Variants in PPP4R3B observed in about 807,000 individuals in gnomAD.
The protein encoded by PPP4R3B is serine/threonine-protein phosphatase 4 regulatory subunit 3B.
A neutral mutation model predicts 95.4 loss-of-function variants in PPP4R3B; 52 were observed. The ratio of observed to expected loss-of-function variants is 0.54; its 90% CI spans 0.44 to 0.69. The LOEUF is 0.69. Ranked by LOEUF, PPP4R3B falls within the 30% of genes least tolerant of loss-of-function variation. The pLI, the probability that PPP4R3B is intolerant of heterozygous loss-of-function variation, is 0.00. For missense variants in PPP4R3B, 1,003 were observed against 1,005.9 expected (o/e 1.00, Z 0.04); for synonymous variants, 407 against 343.9 (o/e 1.18, Z -2.03).
Position 55,584,930 on chromosome 2 carries a change from AG to A in PPP4R3B, c.1233+120del. 31 of 805,110 alleles carry A rather than the reference AG, an allele frequency of 3.9e-5. 1 individual carries two copies. The South Asian group carries it at 5.6e-4, about 15-fold the overall frequency. 49.9% of individuals were successfully genotyped at this position (805,110 alleles called of 1,614,324 possible). On this transcript the variant is annotated intron_variant, in intron 7 of 16. Coordinates refer to ENST00000616407, the MANE Select transcript of PPP4R3B (RefSeq NM_001122964.3). The stretch of plus-strand genomic sequence containing the variant: ...AATTTGGCCAAAGTCACAACAAGTC[AG>A]AAATCTATTATTTTGCTCCCAAGAA...
intron 12 of PPP4R3B, among the ~76,000 whole-genome samples, chr2:55,571,154 CAAA>C (rs896535982): frequency 4.6e-5 from 7 of 151,858 alleles, no homozygotes; most frequent in African/African-American, 1.7e-4. Context: ...ACTAAAAATA[CAAA>C]AAATTAGCCA....
At chr2:55,579,811 GTTAC>G (rs1447751603) in intron 8 of PPP4R3B, 30 bp from the exon 9 acceptor site, 22 of 1,379,206 alleles carry the variant, frequency 1.6e-5, no homozygotes, top group Middle Eastern at 2.2e-4. Context: ...AAACAATACT[GTTAC>G]TTATGTAAAT....
chr2:55,579,622 T>C, intron 9 of PPP4R3B, 57 bp downstream of exon 9: 1 of 1,264,910 alleles, frequency 7.9e-7, no homozygotes, highest in South Asian at 1.6e-5. Context: ...TAGTTTAATA[T>C]TTATCTCATC....
intron 16 of PPP4R3B, among the ~76,000 whole-genome samples, chr2:55,554,894 T>C (rs1685645812): frequency 6.6e-6 from 1 of 152,210 alleles, no homozygotes; most frequent in South Asian, 2.1e-4. Context: ...TTGGATCTTT[T>C]CATCCATTTT....
chr2:55,552,673 C>T (rs1424162980), intron 16 of PPP4R3B, among the ~76,000 whole-genome samples: 2 of 152,160 alleles, frequency 1.3e-5, no homozygotes, highest in East Asian at 1.9e-4. Flanking sequence ...CCACCATGCT[C>T]GGCTTCATCA....
chr2:55,568,121 C>T (rs1437532633), intron 13 of PPP4R3B, 73 bp downstream of exon 13: 2 of 1,047,978 alleles, frequency 1.9e-6, no homozygotes, highest in Non-Finnish European at 2.5e-6. Flanking sequence ...ACTTTGCTTA[C>T]ATGTAATTCT....
intron 15 of PPP4R3B, among the ~76,000 whole-genome samples, chr2:55,561,665 G>A (rs1274771508): frequency 6.6e-6 from 1 of 152,240 alleles, no homozygotes; most frequent in Non-Finnish European, 1.5e-5. Flanking sequence ...TTATTTTGGA[G>A]CTTTAAGATT....
At chr2:55,602,208 C>T (rs770691239) in intron 3 of PPP4R3B, among the ~76,000 whole-genome samples, 51 of 152,224 alleles carry the variant, frequency 3.4e-4, no homozygotes, top group Non-Finnish European at 8.8e-5. Flanking sequence ...CTACTCCACA[C>T]TGGCCCCAAA....
At position 55,560,758 on chromosome 2, in the gene PPP4R3B, C is replaced by T. The variant is rs1230132875; in HGVS notation, c.2261-1790G>A. 5.3e-5 allele frequency among the ~76,000 whole-genome samples: 6 copies of T among 112,526 alleles called. No homozygotes were observed. In the East Asian group the frequency reaches 1.9e-3, roughly 36 times the overall value. 73.8% of individuals were successfully genotyped at this position (112,526 alleles called of 152,430 possible). On this transcript the variant is annotated intron_variant, in intron 15 of 16. Coordinates refer to ENST00000616407, the MANE Select transcript of PPP4R3B (RefSeq NM_001122964.3). ...TGCCACTGCATTCCAGCCTGGGCAACAGAGAGAGACTCCATCTCAGAAAAA... is the reference window on the plus strand; with the variant it reads ...TGCCACTGCATTCCAGCCTGGGCAATAGAGAGAGACTCCATCTCAGAAAAA...
chr2:55,553,725 G>C (rs1235071991), intron 16 of PPP4R3B, among the ~76,000 whole-genome samples: 1 of 152,050 alleles, frequency 6.6e-6, no homozygotes, highest in Non-Finnish European at 1.5e-5. Flanking sequence ...TTTGTGACTG[G>C]TTTACTTCAA....
intron 7 of PPP4R3B, 56 bp from the exon 8 acceptor site, chr2:55,581,754 T>G: frequency 6.4e-7 from 1 of 1,560,706 alleles, no homozygotes; most frequent in Non-Finnish European, 8.6e-7. Context: ...GGTTTAGATC[T>G]AAGACAAAAA....
intron 4 of PPP4R3B, among the ~76,000 whole-genome samples, chr2:55,593,112 G>A (rs1574843428): frequency 6.6e-6 from 1 of 152,242 alleles, no homozygotes; most frequent in East Asian, 1.9e-4. Flanking sequence ...GAGCCAAGAT[G>A]GCGCCACTGC....
chr2:55,568,340 T>A lies in PPP4R3B; in HGVS notation c.1789A>T (p.Ile597Leu). Residue 597 changes from isoleucine to leucine, a missense_variant, in exon 13 of 17, where the codon ATA becomes TTA. Transcript: ENST00000616407. Reference sequence around the variant, plus strand: ...TAAAATTCATCTTTAAGTCCAATTATCCGCCTCATAAAGCGAAGGGCACCT... The same window carrying A: ...TAAAATTCATCTTTAAGTCCAATTAACCGCCTCATAAAGCGAAGGGCACCT... ...ALCALRFMRR[I>L]IGLKDEFYNR... is the part of the protein sequence containing the mutation. 6.2e-7 allele frequency: 1 copy of A among 1,600,518 alleles called. No individual in the cohort carries two copies.
chr2:55,583,999 A>G (rs2104279518), intron 7 of PPP4R3B, among the ~76,000 whole-genome samples: 1 of 152,254 alleles, frequency 6.6e-6, no homozygotes, highest in African/African-American at 2.4e-5. Context: ...TGAGGTCAGG[A>G]GTTTGAGACC....
At chr2:55,601,474 A>G (rs916197426) in intron 3 of PPP4R3B, among the ~76,000 whole-genome samples, 1 of 150,624 alleles carries the variant, frequency 6.6e-6, no homozygotes, top group African/African-American at 2.4e-5. Flanking sequence ...TCCGCCTCCC[A>G]GGTTCATCCC....
chr2:55,581,151 G>A (rs940877093), intron 8 of PPP4R3B, among the ~76,000 whole-genome samples: 1 of 152,148 alleles, frequency 6.6e-6, no homozygotes, highest in African/African-American at 2.4e-5. Context: ...TACTTGGGAG[G>A]CTGAGGCAGG....
chr2:55,579,636 C>T, intron 9 of PPP4R3B, 43 bp downstream of exon 9: 1 of 1,356,800 alleles, frequency 7.4e-7, no homozygotes, highest in Non-Finnish European at 1.0e-6. Flanking sequence ...TCTCATCCTT[C>T]TTTAAAAACA....
At chr2:55,600,086 T>C (rs1692334035) in intron 3 of PPP4R3B, among the ~76,000 whole-genome samples, 1 of 152,212 alleles carries the variant, frequency 6.6e-6, no homozygotes, top group Non-Finnish European at 1.5e-5. Flanking sequence ...CTTAAGACAC[T>C]CTGAACTATC....
intron 16 of PPP4R3B, among the ~76,000 whole-genome samples, chr2:55,554,930 G>A (rs1023817086): frequency 6.6e-6 from 1 of 152,112 alleles, no homozygotes; most frequent in East Asian, 1.9e-4. Flanking sequence ...TATGATGTGA[G>A]ATAGGGATCT....
Sources: gnomAD v4.1 joint callset for allele counts (sites outside exome capture counted in the v4.1 genomes callset) on GRCh38, gnomAD v4.1.1 for gene constraint, MANE v1.5 for transcripts, NCBI Gene and HGNC (gene_info 2026-07-23, HGNC 2026-07-21) for gene names.